Variants in POLR2B observed in about 807,000 individuals in gnomAD.
POLR2B encodes RNA polymerase II subunit B.
POLR2B carries 57 observed loss-of-function variants against 144.6 expected under a neutral mutation model. The observed-to-expected ratio is 0.39, with a 90% CI of 0.32 to 0.49. The LOEUF is 0.49. Ranked by LOEUF, POLR2B falls within the 20% of genes least tolerant of loss-of-function variation. The pLI is 0.83. For missense variants in POLR2B, 595 were observed against 1,467.4 expected, an observed-to-expected ratio of 0.41 and a Z score of 9.71; for synonymous variants, 442 against 469.8, an observed-to-expected ratio of 0.94 and a Z score of 0.77.
intron 10 of POLR2B, among the ~76,000 whole-genome samples, chr4:57,009,378 G>A (rs1315901714): frequency 6.6e-6 from 1 of 152,142 alleles, no homozygotes; most frequent in African/African-American, 2.4e-5. Flanking sequence ...GAGACTGGTA[G>A]GGGAAGGTTG....
Position 57,023,423 on chromosome 4 carries a change from C to T in POLR2B, c.2609C>T (p.Thr870Ile), listed in dbSNP as rs772665186. ...VSGDDVIIGK[T>I]VTLPENEDEL... ...GGAGATGATGTTATTATAGGCAAAA[C>T]AGTCACCTTGCCTGAAAATGAAGAT... The change falls in exon 19 of 25, where the codon ACA becomes ATA. Residue 870 changes from threonine to isoleucine, a missense_variant. Thr to Ile is a moderately conservative substitution (Grantham distance 89, BLOSUM62 -1). This residue lies in a region of POLR2B where 75 missense variants were observed against 100.0 expected (regional missense o/e 0.75). Coordinates refer to ENST00000314595, the MANE Select transcript of POLR2B (RefSeq NM_000938.3). This position sits in a 1 kb window ranked among gnomAD's most constrained non-coding sequence, Gnocchi z 4.3. 17 of 1,613,760 alleles carry T rather than the reference C, an allele frequency of 1.1e-5. No homozygotes were observed. Among genetic ancestry groups the T allele is most frequent in the Non-Finnish European group, 1.4e-5 (17 of 1,179,810 alleles).
chr4:57,001,451 G>A (rs1417305593), intron 7 of POLR2B, among the ~76,000 whole-genome samples: 3 of 152,234 alleles, frequency 2.0e-5, no homozygotes, highest in Non-Finnish European at 2.9e-5. Flanking sequence ...ATGAGCCAGC[G>A]TGCCTGGCCT....
At chr4:57,010,066 C>CA (rs1325247703) in intron 10 of POLR2B, 7 of 287,708 alleles carry the variant, frequency 2.4e-5, no homozygotes, top group South Asian at 9.4e-5. Flanking sequence ...TGCTGGGATA[C>CA]AACAGAGAAT....
intron 1 of POLR2B, among the ~76,000 whole-genome samples, chr4:56,981,442 G>A (rs1225414025): frequency 2.0e-5 from 3 of 152,164 alleles, no homozygotes; most frequent in Non-Finnish European, 2.9e-5. Context: ...AAATTGTCAG[G>A]TCAAATGATA....
chr4:57,030,454 C>T (rs1327207690), intron 24 of POLR2B, 55 bp downstream of exon 24: 10 of 1,338,056 alleles, frequency 7.5e-6, no homozygotes, highest in Admixed American at 2.2e-5. Context: ...CTGTGTTGGT[C>T]TGATTATCCA....
chr4:56,980,813 CTTT>C (rs750717935), intron 1 of POLR2B, among the ~76,000 whole-genome samples: 1 of 143,728 alleles, frequency 7.0e-6, no homozygotes. Context: ...TCCACAGTTT[CTTT>C]TTTTTTTTTT....
chr4:56,993,574 A>G (rs1260223161), intron 3 of POLR2B, among the ~76,000 whole-genome samples: 1 of 152,238 alleles, frequency 6.6e-6, no homozygotes, highest in Non-Finnish European at 1.5e-5. Flanking sequence ...AGAAAAGTAC[A>G]CTATCCATTT....
intron 1 of POLR2B, 88 bp downstream of exon 1, chr4:56,979,092 C>T (rs1409437517): frequency 7.4e-7 from 1 of 1,357,262 alleles, no homozygotes; most frequent in East Asian, 2.3e-5. Context: ...TTGGGGCCTT[C>T]CCATGCGCCG....
intron 13 of POLR2B, among the ~76,000 whole-genome samples, chr4:57,013,790 T>C (rs768330446): frequency 6.6e-6 from 1 of 152,094 alleles, no homozygotes; most frequent in Non-Finnish European, 1.5e-5. Context: ...CTGATAAAAC[T>C]GTGTTTACAA....
intron 1 of POLR2B, among the ~76,000 whole-genome samples, chr4:56,984,085 G>A (rs1722242185): frequency 6.6e-6 from 1 of 150,380 alleles, no homozygotes; most frequent in African/African-American, 2.4e-5. Context: ...GGCTGGTCTC[G>A]AACTCCTGGT....
At chr4:57,024,171 T>G in intron 21 of POLR2B, 59 bp downstream of exon 21, 2 of 883,068 alleles carry the variant, frequency 2.3e-6, no homozygotes, top group Non-Finnish European at 3.7e-6. Flanking sequence ...AAAACTCTGA[T>G]AGGTGATTGC....
In POLR2B at chr4:57,023,133, C is replaced by T; in HGVS notation, c.2516-197C>T. On this transcript the variant is annotated intron_variant, in intron 18 of 24. Coordinates refer to ENST00000314595, the MANE Select transcript of POLR2B (RefSeq NM_000938.3). This position sits in a 1 kb window ranked among gnomAD's most constrained non-coding sequence, Gnocchi z 4.3. ...CAGTGCTGATTCCAATGTTCTTTTC[C>T]TTCATAGACTTTTTTTTTTGTTTTC... The T allele has an allele frequency of 3.8e-6, 2 of 526,286 alleles. No homozygotes were observed. The highest frequency in any genetic ancestry group is 5.8e-5 in the South Asian group (2 of 34,410). 32.6% of individuals were successfully genotyped at this position (526,286 alleles called of 1,614,324 possible). A position where few individuals can be genotyped will look rare whatever the true frequency, so the allele number is the denominator to read the frequency against.
At chr4:56,998,653 C>T (rs1221035311) in intron 6 of POLR2B, among the ~76,000 whole-genome samples, 1 of 152,236 alleles carries the variant, frequency 6.6e-6, no homozygotes, top group Non-Finnish European at 1.5e-5. Context: ...CCACTGTGCC[C>T]AGCTGTATTA....
intron 8 of POLR2B, 52 bp from the exon 9 acceptor site, chr4:57,005,548 T>G: frequency 6.5e-7 from 1 of 1,541,856 alleles, no homozygotes; most frequent in Non-Finnish European, 8.7e-7. Context: ...CAAAAAAAAG[T>G]CCAAAACTAA....
chr4:57,022,984 A>G (rs564902834), intron 18 of POLR2B, among the ~76,000 whole-genome samples: 1 of 152,128 alleles, frequency 6.6e-6, no homozygotes, highest in Non-Finnish European at 1.5e-5. Flanking sequence ...ATTTAAAAAA[A>G]TTTTTCTCCT....
At position 57,010,439 on chromosome 4, in the gene POLR2B, C is replaced by T. The variant is rs753358137; in HGVS notation, c.1483C>T (p.Leu495=). The T allele has an allele frequency of 1.2e-6, 2 of 1,614,030 alleles. No homozygotes were observed. Among genetic ancestry groups the T allele is most frequent in the South Asian group, 2.2e-5 (2 of 91,078 alleles). Residue 495 remains leucine, a synonymous_variant, in exon 11 of 25, where the codon CTA becomes TTA. Transcript: ENST00000314595. ...LNSPIGRDGK[L]AKPRQLHNTL... ...TTCTCCTATTGGTAGAGACGGCAAG[C>T]TAGCAAAACCAAGACAGTTGCATAA...
At position 56,994,750 on chromosome 4, in the gene POLR2B, A is replaced by T; in HGVS notation, c.460A>T (p.Ile154Phe). 1 of 1,613,654 alleles carries T rather than the reference A, an allele frequency of 6.2e-7. No individual in the cohort carries two copies. Among genetic ancestry groups the T allele is most frequent in the African/African-American group, 1.3e-5 (1 of 75,040 alleles). The change falls in exon 5 of 25, where the codon ATT (isoleucine) becomes TTT (phenylalanine). Residue 154 changes from isoleucine to phenylalanine, a missense_variant. Coordinates refer to ENST00000314595, the MANE Select transcript of POLR2B (RefSeq NM_000938.3). Reference protein sequence around the residue: ...HQKTFIGKIPIMLRSTYCLLN... With the variant: ...HQKTFIGKIPFMLRSTYCLLN... ...GAAAACTTTTATAGGAAAAATTCCA[A>T]TTATGTTGCGGTCAACTTACTGCCT...
chr4:57,017,655 T>A lies in POLR2B; in HGVS notation c.2250T>A (p.Val750=). The part of the protein sequence containing the change: ...FHVRMDTLAH[V]LYYPQKPLVT... ...TTCGCATGGACACATTGGCCCATGT[T>A]CTCTATTATCCTCAAAAGCCACTTG... The change falls in exon 16 of 25, where the codon GTT becomes GTA. Residue 750 remains valine (V), a synonymous_variant. Transcript: ENST00000314595. The surrounding 1 kb of genome is among the most constrained non-coding windows in gnomAD (Gnocchi z 4.8). 1 of 1,613,794 alleles carries A rather than the reference T, an allele frequency of 6.2e-7. No individual in the cohort carries two copies. The highest frequency in any genetic ancestry group is 8.5e-7 in the Non-Finnish European group (1 of 1,179,720).
chr4:57,009,004 G>A (rs796259552), intron 10 of POLR2B, among the ~76,000 whole-genome samples: 2 of 69,784 alleles, frequency 2.9e-5, no homozygotes, highest in Non-Finnish European at 2.7e-5. Flanking sequence ...CACAGTAATT[G>A]GCAATGTGGA....
Sources: gnomAD v4.1 joint callset for allele counts (sites outside exome capture counted in the v4.1 genomes callset) on GRCh38, gnomAD v4.1.1 for gene constraint, gnomAD v4.1.1 regional missense constraint, Gnocchi (gnomAD v3.1) non-coding constraint, MANE v1.5 for transcripts, NCBI Gene and HGNC (gene_info 2026-07-23, HGNC 2026-07-21) for gene names.